The following CDKN3 variants were observed in gnomAD, a reference collection of about 807,000 sequenced individuals.
CDKN3 encodes the protein cyclin dependent kinase inhibitor 3, also known as cyclin-dependent kinase inhibitor 3.
A neutral mutation model predicts 36.1 loss-of-function variants in CDKN3; 19 were observed. The observed-to-expected ratio is 0.53, with a 90% confidence interval of 0.37 to 0.77. CDKN3 has a LOEUF of 0.77. Ranked by LOEUF, CDKN3 falls within the 30% of genes least tolerant of loss-of-function variation. The pLI, the probability that CDKN3 is intolerant of heterozygous loss-of-function variation, is 0.00. For synonymous variants in CDKN3, 71 were observed against 85.3 expected, an observed-to-expected ratio of 0.83 and a Z score of 0.92; for missense variants, 188 against 248.6, an observed-to-expected ratio of 0.76 and a Z score of 1.64.
intron 1 of CDKN3, 57 bp from the exon 2 acceptor site, chr14:54,399,837 A>G (rs779305480): frequency 2.7e-5 from 23 of 841,142 alleles, no homozygotes; most frequent in Non-Finnish European, 4.2e-5. Context: ...AGGATTAGCT[A>G]TCCTAAAACT....
chr14:54,411,204 G>C (rs894919104), intron 4 of CDKN3: 26 of 350,592 alleles, frequency 7.4e-5, no homozygotes, highest in African/African-American at 5.6e-4. Flanking sequence ...AAAAGAGGGG[G>C]GGTTATTTTA....
intron 5 of CDKN3, among the ~76,000 whole-genome samples, chr14:54,415,042 G>A (rs1329198758): frequency 2.0e-5 from 3 of 149,854 alleles, no homozygotes; most frequent in East Asian, 1.9e-4. Flanking sequence ...TGTCCATAAC[G>A]ATAAGTCATC....
At chr14:54,411,958 T>G in intron 5 of CDKN3, 1 of 557,460 alleles carries the variant, frequency 1.8e-6, no homozygotes, top group Non-Finnish European at 3.2e-6. Flanking sequence ...GTTACAAGCT[T>G]TTCTTTTTTA....
chr14:54,404,212 G>C (rs1433375664), intron 3 of CDKN3, among the ~76,000 whole-genome samples: 2 of 152,106 alleles, frequency 1.3e-5, no homozygotes, highest in Non-Finnish European at 2.9e-5. Context: ...CTCAGTTTCA[G>C]AACTTGTTAT....
intron 5 of CDKN3, among the ~76,000 whole-genome samples, chr14:54,412,514 A>G (rs1167636936): frequency 6.6e-6 from 1 of 152,214 alleles, no homozygotes; most frequent in African/African-American, 2.4e-5. Flanking sequence ...AGATTGAAAG[A>G]GGGCCTCTCA....
At chr14:54,409,293 C>G (rs1454814416) in intron 4 of CDKN3, among the ~76,000 whole-genome samples, 1 of 152,036 alleles carries the variant, frequency 6.6e-6, no homozygotes, top group East Asian at 1.9e-4. Context: ...AGCCACAAGT[C>G]TAATAATCCT....
intron 6 of CDKN3, 61 bp downstream of exon 6, chr14:54,415,991 C>T: frequency 2.5e-6 from 3 of 1,192,810 alleles, no homozygotes; most frequent in Non-Finnish European, 3.7e-6. Flanking sequence ...TGTTTCCAGA[C>T]CATATGTTCA....
intron 6 of CDKN3, among the ~76,000 whole-genome samples, chr14:54,416,975 T>C (rs2030574422): frequency 6.6e-6 from 1 of 152,172 alleles, no homozygotes; most frequent in Non-Finnish European, 1.5e-5. Flanking sequence ...AGAACCACAG[T>C]GGATACCACT....
At chr14:54,414,333 A>G (rs1320562449) in intron 5 of CDKN3, 1 of 152,078 alleles carries the variant, frequency 6.6e-6, no homozygotes, top group East Asian at 1.9e-4. Flanking sequence ...ACCTATAACT[A>G]ACACTACCAT....
intron 5 of CDKN3, chr14:54,413,595 C>T: frequency 3.3e-6 from 5 of 1,526,102 alleles, no homozygotes; most frequent in Non-Finnish European, 3.5e-6. Context: ...TGGCATTTTT[C>T]ATTGTCCTAG....
intron 3 of CDKN3, among the ~76,000 whole-genome samples, chr14:54,402,083 C>G (rs1040195106): frequency 6.6e-6 from 1 of 151,814 alleles, no homozygotes; most frequent in Non-Finnish European, 1.5e-5. Flanking sequence ...TGGCACGTGC[C>G]TATAGTCCCA....
chr14:54,399,993 G>T lies in CDKN3; in HGVS notation c.92+17G>T. On this transcript the variant is annotated intron_variant, in intron 2 of 7. Transcript: ENST00000335183. ...TATATCATGGTATGTTAGCATTTCTGATCAATGATGAGCTAAAATCACAAT... is the reference window on the plus strand; with the variant it reads ...TATATCATGGTATGTTAGCATTTCTTATCAATGATGAGCTAAAATCACAAT... 9.0e-7 allele frequency: 1 copy of T among 1,113,728 alleles called. No homozygotes were observed. The highest frequency in any genetic ancestry group is 1.2e-5 in the South Asian group (1 of 80,088). 69.0% of individuals were successfully genotyped at this position (1,113,728 alleles called of 1,614,324 possible).
intron 3 of CDKN3, among the ~76,000 whole-genome samples, chr14:54,404,656 G>C (rs1017888570): frequency 4.0e-5 from 6 of 151,852 alleles, no homozygotes; most frequent in Non-Finnish European, 8.8e-5. Context: ...CTCACTGCAA[G>C]CTCTGCCTCC....
intron 7 of CDKN3, chr14:54,418,499 G>A: frequency 1.9e-6 from 1 of 514,196 alleles, no homozygotes; most frequent in South Asian, 2.5e-5. Flanking sequence ...CACTGCACTA[G>A]CAATGCCAAG....
intron 5 of CDKN3, 83 bp downstream of exon 5, chr14:54,411,789 C>A: frequency 1.2e-6 from 1 of 854,474 alleles, no homozygotes; most frequent in Non-Finnish European, 2.0e-6. Context: ...ATTCAGTTAT[C>A]ACCTACTTCA....
chr14:54,419,215 T>C (rs777313874), intron 7 of CDKN3, among the ~76,000 whole-genome samples: 1 of 152,182 alleles, frequency 6.6e-6, no homozygotes, highest in Non-Finnish European at 1.5e-5. Flanking sequence ...TCTCTTCTCT[T>C]GAAAACAAAC....
intron 1 of CDKN3, among the ~76,000 whole-genome samples, chr14:54,399,334 C>T (rs946654949): frequency 2.6e-5 from 4 of 152,132 alleles, no homozygotes; most frequent in Admixed American, 6.6e-5. Flanking sequence ...CCAGCTAAAG[C>T]GTTTCCTCTG....
In CDKN3 at chr14:54,419,981, A is replaced by C. The variant is rs781479004; in HGVS notation, c.553-11A>C. The C allele has an allele frequency of 1.0e-5, 16 of 1,538,052 alleles. No homozygotes were observed. The highest frequency in any genetic ancestry group is 1.4e-5 in the Non-Finnish European group (16 of 1,111,300). ...CTACAGTGTATTCCAATGTATCTTT[A>C]CTTTTTTCAGCAATACAATTATCTT... On this transcript the variant is annotated splice_polypyrimidine_tract_variant and intron_variant, in intron 7 of 7. Coordinates refer to ENST00000335183, the MANE Select transcript of CDKN3 (RefSeq NM_005192.4).
At chr14:54,403,480 T>A (rs188667991) in intron 3 of CDKN3, among the ~76,000 whole-genome samples, 2 of 152,258 alleles carry the variant, frequency 1.3e-5, no homozygotes, top group African/African-American at 4.8e-5. Context: ...TCATGTCATC[T>A]GTAAAAAGAG....
Sources: gnomAD v4.1 joint callset for allele counts (sites outside exome capture counted in the v4.1 genomes callset) on GRCh38, gnomAD v4.1.1 for gene constraint, MANE v1.5 for transcripts, NCBI Gene and HGNC (gene_info 2026-07-23, HGNC 2026-07-21) for gene names.